The following ZDHHC20 variants were observed in gnomAD, a reference collection of about 807,000 sequenced individuals.
The protein encoded by ZDHHC20 is zDHHC palmitoyltransferase 20.
In ZDHHC20, 43 loss-of-function variants were observed where a neutral mutation model predicts 57.8. The observed-to-expected ratio is 0.74, with a 90% CI of 0.58 to 0.96. The LOEUF (loss-of-function observed/expected upper bound fraction) is 0.96, where lower values mean the gene tolerates loss of function less well. ZDHHC20 is among the 40% of genes least tolerant of loss of function. The pLI, the probability that ZDHHC20 is intolerant of heterozygous loss-of-function variation, is 0.00. For synonymous variants in ZDHHC20, 157 were observed against 153.0 expected (o/e 1.03, Z -0.19); for missense variants, 391 against 441.1 (o/e 0.89, Z 1.02).
chr13:21,391,329 T>C (rs1875679465), intron 8 of ZDHHC20, among the ~76,000 whole-genome samples: 1 of 152,224 alleles, frequency 6.6e-6, no homozygotes, highest in Non-Finnish European at 1.5e-5. Flanking sequence ...TTTATTAAAA[T>C]TTATAAAATA....
At chr13:21,438,961 T>A (rs1183492630) in intron 1 of ZDHHC20, among the ~76,000 whole-genome samples, 1 of 152,204 alleles carries the variant, frequency 6.6e-6, no homozygotes, top group Non-Finnish European at 1.5e-5. Context: ...CTAGCATTTT[T>A]TTAGCAAAAA....
intron 7 of ZDHHC20, among the ~76,000 whole-genome samples, chr13:21,396,516 G>A (rs145453199): frequency 2.0e-5 from 3 of 151,952 alleles, no homozygotes; most frequent in Non-Finnish European, 4.4e-5. Context: ...AAAAACAAAA[G>A]AAAGCAGAAA....
intron 12 of ZDHHC20, among the ~76,000 whole-genome samples, chr13:21,378,036 C>T (rs9580097): frequency 0.15 from 22,405 of 152,028 alleles, 2,233 homozygotes; most frequent in Non-Finnish European, 0.23. Context: ...ACAAAAGTCA[C>T]CTTTTTTTCT....
In ZDHHC20 at chr13:21,459,152, C is replaced by G. The variant is rs1353297786; in HGVS notation, c.20G>C (p.Trp7Ser). 6.2e-7 allele frequency: 1 copy of G among 1,603,398 alleles called. No homozygotes were observed. Among genetic ancestry groups the G allele is most frequent in the Non-Finnish European group, 8.5e-7 (1 of 1,176,126 alleles). The change falls in exon 1 of 13, where the codon TGG becomes TCG. Residue 7 changes from tryptophan (W) to serine (S), a missense_variant. Coordinates refer to ENST00000400590, the MANE Select transcript of ZDHHC20 (RefSeq NM_001330059.2). ...GCCCACGACGCGCTGGCAGCAGCGCCACAGCGTCCAGGGCGCCATGTTCCG... is the reference window on the plus strand; with the variant it reads ...GCCCACGACGCGCTGGCAGCAGCGCGACAGCGTCCAGGGCGCCATGTTCCG... Reference protein sequence around the residue: MAPWTLWRCCQRVVGWV... With the variant: MAPWTLSRCCQRVVGWV...
chr13:21,373,309 A>C lies in ZDHHC20; in HGVS notation c.*3387T>G, dbSNP rs1871505174. 1 of 152,238 alleles carries C rather than the reference A, an allele frequency of 6.6e-6. No individual in the cohort carries two copies. Among genetic ancestry groups the C allele is most frequent in the Non-Finnish European group, 1.5e-5 (1 of 68,034 alleles). 9.4% of individuals were successfully genotyped at this position (152,238 alleles called of 1,614,324 possible). A position where few individuals can be genotyped will look rare whatever the true frequency, so the allele number is the denominator to read the frequency against. On this transcript the variant is annotated 3_prime_UTR_variant, in exon 13 of 13. Coordinates refer to ENST00000400590, the MANE Select transcript of ZDHHC20 (RefSeq NM_001330059.2). The stretch of plus-strand genomic sequence containing the variant: ...ACTTTAAAGATAACTGAAAGATCTC[A>C]CATGCCTGATAATCCTTAATTTAAA...
rs188440669 is a variant in ZDHHC20 at position 21,422,669 on chromosome 13, A to G, written c.146-1505T>C. ...TTTTTCAATAATTTCAATAATTATC[A>G]TTATTTTCACTGCCAGTGCATACTT... is the stretch of plus-strand genomic sequence containing the variant. On this transcript the variant is annotated intron_variant, in intron 2 of 12. Transcript: ENST00000400590. 6.1e-3 allele frequency among the ~76,000 whole-genome samples: 924 copies of G among 152,306 alleles called. 6 individuals are homozygous for G. Among genetic ancestry groups the G allele is most frequent in the African/African-American group, 0.021 (865 of 41,564 alleles).
rs1871876095 is a variant in ZDHHC20, at chr13:21,375,227, A to G, written c.*1469T>C. 1 of 454,496 alleles carries G rather than the reference A, an allele frequency of 2.2e-6. No individual in the cohort carries two copies. The highest frequency in any genetic ancestry group is 2.4e-5 in the Admixed American group (1 of 42,380). The allele number at this position is 454,496 out of a possible 1,614,324, so 28.2% of individuals were successfully genotyped here. On this transcript the variant is annotated 3_prime_UTR_variant, in exon 13 of 13. Coordinates refer to ENST00000400590, the MANE Select transcript of ZDHHC20 (RefSeq NM_001330059.2). ...AGAAGTCATCCAGTCCAACTTATTCACAACACCCCCTCCCCTGCAGTCCCA... is the reference window on the plus strand; with the variant it reads ...AGAAGTCATCCAGTCCAACTTATTCGCAACACCCCCTCCCCTGCAGTCCCA...
At chr13:21,446,280 T>C (rs1883691645) in intron 1 of ZDHHC20, among the ~76,000 whole-genome samples, 1 of 152,210 alleles carries the variant, frequency 6.6e-6, no homozygotes, top group Admixed American at 6.5e-5. Flanking sequence ...TAAGAGGCTA[T>C]GTATTGCATA....
intron 4 of ZDHHC20, among the ~76,000 whole-genome samples, chr13:21,407,637 T>C (rs1198115589): frequency 6.6e-6 from 1 of 152,214 alleles, no homozygotes; most frequent in Non-Finnish European, 1.5e-5. Context: ...ATGCCAATTG[T>C]CAATTTTGGC....
At chr13:21,380,313 A>C (rs1593167371) in intron 11 of ZDHHC20, among the ~76,000 whole-genome samples, 1 of 150,366 alleles carries the variant, frequency 6.7e-6, no homozygotes, top group Admixed American at 6.6e-5. Context: ...ATGGGGTTTC[A>C]CCACGTTCGC....
chr13:21,442,842 C>A (rs1593274145), intron 1 of ZDHHC20, among the ~76,000 whole-genome samples: 1 of 151,502 alleles, frequency 6.6e-6, no homozygotes, highest in African/African-American at 2.4e-5. Flanking sequence ...TGAATTAGTT[C>A]TCTTCTTTGT....
intron 1 of ZDHHC20, among the ~76,000 whole-genome samples, chr13:21,457,929 G>T (rs1885054549): frequency 1.3e-5 from 2 of 152,180 alleles, no homozygotes; most frequent in Non-Finnish European, 2.9e-5. Context: ...ACTAAGAGTA[G>T]AACATTCTGG....
At chr13:21,390,936 A>T (rs1351030946) in intron 8 of ZDHHC20, among the ~76,000 whole-genome samples, 1 of 151,934 alleles carries the variant, frequency 6.6e-6, no homozygotes, top group Non-Finnish European at 1.5e-5. Context: ...CATGAAATAC[A>T]TTGTTATGTT....
intron 1 of ZDHHC20, among the ~76,000 whole-genome samples, chr13:21,430,260 G>A (rs773732093): frequency 3.3e-5 from 5 of 152,114 alleles, no homozygotes; most frequent in Admixed American, 6.6e-5. Context: ...TTGCCATCAG[G>A]TGGGAGTCCA....
At chr13:21,434,811 G>C (rs577459409) in intron 1 of ZDHHC20, among the ~76,000 whole-genome samples, 1 of 150,648 alleles carries the variant, frequency 6.6e-6, no homozygotes, top group Admixed American at 6.6e-5. Context: ...ACAATATTCC[G>C]TTGTGTGGAT....
At position 21,375,345 on chromosome 13, in the gene ZDHHC20, G is replaced by T; in HGVS notation, c.*1351C>A. 1 of 366,346 alleles carries T rather than the reference G, an allele frequency of 2.7e-6. No homozygotes were observed. Among genetic ancestry groups the T allele is most frequent in the South Asian group, 2.1e-5 (1 of 48,592 alleles). The allele number at this position is 366,346 out of a possible 1,614,324, so 22.7% of individuals were successfully genotyped here. Reference sequence around the variant, plus strand: ...ACTGGAAGCAATCAATTATTTTGGGGGGGGTGTGTGTGTGTGTGTGTCTGT... The same window carrying T: ...ACTGGAAGCAATCAATTATTTTGGGTGGGGTGTGTGTGTGTGTGTGTCTGT... On this transcript the variant is annotated 3_prime_UTR_variant, in exon 13 of 13. Coordinates refer to ENST00000400590, the MANE Select transcript of ZDHHC20 (RefSeq NM_001330059.2).
At chr13:21,394,589 C>T (rs998445157) in intron 7 of ZDHHC20, among the ~76,000 whole-genome samples, 12 of 152,182 alleles carry the variant, frequency 7.9e-5, no homozygotes, top group African/African-American at 2.4e-4. Context: ...GGTATATTTA[C>T]GTTTACAAGT....
In ZDHHC20 at chr13:21,375,474, AAAAGGAGAAAT is replaced by A. The variant is rs2137592343; in HGVS notation, c.*1211_*1221del. 1 of 224,630 alleles carries A rather than the reference AAAAGGAGAAAT, an allele frequency of 4.5e-6. No individual in the cohort carries two copies. The highest frequency in any genetic ancestry group is 1.6e-4 in the East Asian group (1 of 6,344). 13.9% of individuals were successfully genotyped at this position (224,630 alleles called of 1,614,324 possible). On this transcript the variant is annotated 3_prime_UTR_variant, in exon 13 of 13. Transcript: ENST00000400590. ...TCCTGTCGCTTAGATTTTAAAAGGA[AAAAGGAGAAAT>A]GTGTCTAGTCATAAAGGGGTTGCCG...
At chr13:21,428,332 T>C (rs1881518355) in intron 1 of ZDHHC20, among the ~76,000 whole-genome samples, 1 of 151,974 alleles carries the variant, frequency 6.6e-6, no homozygotes, top group Admixed American at 6.6e-5. Context: ...GCAATTCTCC[T>C]GCCTCAACCT....
Sources: allele counts gnomAD v4.1 joint callset (sites outside exome capture counted in the v4.1 genomes callset), GRCh38; gene constraint gnomAD v4.1.1; transcripts MANE v1.5; gene names NCBI Gene and HGNC (gene_info 2026-07-23, HGNC 2026-07-21).